TSGA10: variants seen among roughly 807,000 people sequenced by gnomAD.
TSGA10 encodes the protein testis-specific gene 10 protein.
A neutral mutation model predicts 96.6 loss-of-function variants in TSGA10; 43 were observed. The observed-to-expected ratio is 0.44, with a 90% confidence interval of 0.35 to 0.57. TSGA10 has a LOEUF of 0.57. Among genes scored for constraint, TSGA10 ranks in the 20% least tolerant of loss-of-function variants. The pLI, the probability that TSGA10 is intolerant of heterozygous loss-of-function variation, is 0.01. For missense variants in TSGA10, 703 were observed against 834.4 expected, an observed-to-expected ratio of 0.84 and a Z score of 1.94; for synonymous variants, 229 against 269.9, an observed-to-expected ratio of 0.85 and a Z score of 1.48.
chr2:99,042,229 G>A (rs1164645549), intron 16 of TSGA10, among the ~76,000 whole-genome samples: 4 of 152,066 alleles, frequency 2.6e-5, no homozygotes, highest in Non-Finnish European at 5.9e-5. Context: ...TCTCTTCACA[G>A]CCTTTGTGAG....
Position 99,118,572 on chromosome 2 carries a change from T to C in TSGA10, c.-377A>G, listed in dbSNP as rs1049323677. 7 of 983,756 alleles carry C rather than the reference T, an allele frequency of 7.1e-6. No individual in the cohort carries two copies. In the African/African-American group the frequency reaches 8.8e-5, roughly 12 times the overall value. The allele number at this position is 983,756 out of a possible 1,614,324, so 60.9% of individuals were successfully genotyped here. On this transcript the variant is annotated 5_prime_UTR_variant, in exon 3 of 21. Transcript: ENST00000393483. ...TTACTTGACTAAGCTAAATATCAAA[T>C]CAATCAAGTATTTGCTGCCTAATGT... is the stretch of plus-strand genomic sequence containing the variant.
chr2:99,072,254 C>T (rs1156946826), intron 13 of TSGA10, among the ~76,000 whole-genome samples: 2 of 152,120 alleles, frequency 1.3e-5, no homozygotes, highest in Non-Finnish European at 2.9e-5. Context: ...CAATTATTCT[C>T]ACTCTAACCC....
At chr2:99,037,748 C>A (rs960932207) in intron 16 of TSGA10, among the ~76,000 whole-genome samples, 3 of 151,818 alleles carry the variant, frequency 2.0e-5, no homozygotes, top group African/African-American at 7.3e-5. Context: ...TACTCTGGAG[C>A]CTGAGGCAGA....
intron 16 of TSGA10, among the ~76,000 whole-genome samples, chr2:99,055,253 A>C (rs1206345053): frequency 6.6e-6 from 1 of 152,194 alleles, no homozygotes; most frequent in Non-Finnish European, 1.5e-5. Context: ...GAGATAAGCC[A>C]GGCACAGTAA....
intron 20 of TSGA10, among the ~76,000 whole-genome samples, chr2:99,009,504 G>A (rs1297204689): frequency 6.7e-6 from 1 of 150,060 alleles, no homozygotes; most frequent in East Asian, 2.0e-4. Flanking sequence ...CCTGGGAGGC[G>A]GAGCTTGCAG....
intron 4 of TSGA10, 96 bp downstream of exon 4, chr2:99,117,448 A>G (rs2092338145): frequency 1.9e-6 from 1 of 514,526 alleles, no homozygotes; most frequent in Admixed American, 6.4e-5. Flanking sequence ...AAGCTTCCAA[A>G]TTATACAAAT....
intron 17 of TSGA10, among the ~76,000 whole-genome samples, chr2:99,029,298 C>A (rs1283125542): frequency 6.6e-6 from 1 of 151,984 alleles, no homozygotes; most frequent in African/African-American, 2.4e-5. Flanking sequence ...AATTCATGTT[C>A]TCAAAATTCC....
At chr2:99,089,143 G>T (rs1419390906) in intron 10 of TSGA10, among the ~76,000 whole-genome samples, 7 of 152,214 alleles carry the variant, frequency 4.6e-5, no homozygotes, top group Non-Finnish European at 5.9e-5. Context: ...TGGGGAAAGT[G>T]AAGGTCCAGA....
chr2:99,038,039 T>A (rs756662991), intron 16 of TSGA10, among the ~76,000 whole-genome samples: 1 of 151,922 alleles, frequency 6.6e-6, no homozygotes, highest in South Asian at 2.1e-4. Context: ...CAGCCAAGAT[T>A]TTGTCTCCAG....
chr2:99,113,363 G>A (rs2091974827), intron 4 of TSGA10, among the ~76,000 whole-genome samples: 1 of 152,142 alleles, frequency 6.6e-6, no homozygotes, highest in Admixed American at 6.5e-5. Flanking sequence ...TTGGATTGTT[G>A]GCTGGGGGAG....
At chr2:99,076,722 T>C (rs2086738368) in intron 12 of TSGA10, among the ~76,000 whole-genome samples, 1 of 152,146 alleles carries the variant, frequency 6.6e-6, no homozygotes, top group Non-Finnish European at 1.5e-5. Context: ...TGCTAAACTA[T>C]CAGGAAGTCT....
intron 1 of TSGA10, among the ~76,000 whole-genome samples, chr2:99,153,385 T>C (rs1159067229): frequency 6.6e-6 from 1 of 151,882 alleles, no homozygotes; most frequent in Non-Finnish European, 1.5e-5. Context: ...GGATGACAAG[T>C]GGAAAGAGAA....
In TSGA10 at chr2:99,018,668, T is replaced by C. The variant is rs1400687910; in HGVS notation, c.1818-28A>G. 3.2e-6 allele frequency: 5 copies of C among 1,567,334 alleles called. No homozygotes were observed. In the African/African-American group the frequency reaches 4.1e-5, roughly 13 times the overall value. On this transcript the variant is annotated intron_variant, in intron 18 of 20. Coordinates refer to ENST00000393483, the MANE Select transcript of TSGA10 (RefSeq NM_025244.4). ...GTTTAAAAGAAGATAAGAGTTATAG[T>C]TGACTAAACTTAAAATATGGCTATG...
chr2:99,108,769 G>T, intron 7 of TSGA10, 64 bp downstream of exon 7: 1 of 1,248,618 alleles, frequency 8.0e-7, no homozygotes, highest in Non-Finnish European at 1.1e-6. Context: ...AAAACTCAAA[G>T]AAGAATTACA....
chr2:99,025,408 C>T (rs986383037), intron 17 of TSGA10, among the ~76,000 whole-genome samples: 1 of 152,236 alleles, frequency 6.6e-6, no homozygotes, highest in Non-Finnish European at 1.5e-5. Flanking sequence ...TAATTTTTGG[C>T]ATTCAGTTGT....
intron 1 of TSGA10, among the ~76,000 whole-genome samples, chr2:99,145,583 G>T (rs921014070): frequency 6.7e-6 from 1 of 149,980 alleles, no homozygotes; most frequent in African/African-American, 2.4e-5. Context: ...AAAGACCCTT[G>T]TGATTACATT....
Position 99,071,870 on chromosome 2 carries a change from A to G in TSGA10, c.943T>C (p.Cys315Arg). 1.9e-6 allele frequency: 3 copies of G among 1,612,196 alleles called. No individual in the cohort carries two copies. Among genetic ancestry groups the G allele is most frequent in the Non-Finnish European group, 2.5e-6 (3 of 1,179,270 alleles). ...IAEMEQASRQ[C>R]TEALIVCEQD... Reference sequence around the variant, plus strand: ...TCACACACAATTAGGGCCTCAGTACACTGTCTATTCCACAAATCAAAGAGT... The same window carrying G: ...TCACACACAATTAGGGCCTCAGTACGCTGTCTATTCCACAAATCAAAGAGT... Residue 315 changes from cysteine to arginine, a missense_variant, in exon 14 of 21, where the codon TGT becomes CGT. Around this residue, in one of 3 missense-constraint regions of TSGA10, gnomAD observed 585 missense variants for 656.8 expected, o/e 0.89. Transcript: ENST00000393483.
intron 2 of TSGA10, chr2:99,125,161 A>G (rs1213218844): frequency 2.0e-5 from 3 of 152,104 alleles, no homozygotes; most frequent in Admixed American, 6.6e-5. Flanking sequence ...GCTTTGTAAC[A>G]TGTTTTCAAG....
At chr2:99,108,104 A>G (rs1288640760) in intron 7 of TSGA10, among the ~76,000 whole-genome samples, 1 of 152,152 alleles carries the variant, frequency 6.6e-6, no homozygotes, top group Non-Finnish European at 1.5e-5. Flanking sequence ...CTTGATCACC[A>G]TATCTAAAAA....
Sources: allele counts gnomAD v4.1 joint callset (sites outside exome capture counted in the v4.1 genomes callset), GRCh38; gene constraint gnomAD v4.1.1; regional missense constraint gnomAD v4.1.1; transcripts MANE v1.5; gene names NCBI Gene and HGNC (gene_info 2026-07-23, HGNC 2026-07-21).